TNR: variants seen among roughly 807,000 people sequenced by gnomAD.
TNR encodes tenascin-R.
In TNR, 45 loss-of-function variants were observed where a neutral mutation model predicts 150.4. The observed-to-expected ratio is 0.30, with a 90% confidence interval of 0.24 to 0.38. TNR has a LOEUF of 0.38. Ranked by LOEUF, TNR falls within the 10% of genes least tolerant of loss-of-function variation. The pLI is 1.00. For missense variants in TNR, 1,544 were observed against 1,759.1 expected, an observed-to-expected ratio of 0.88 and a Z score of 2.19; for synonymous variants, 687 against 678.4, an observed-to-expected ratio of 1.01 and a Z score of -0.20.
At position 175,706,542 on chromosome 1, in the gene TNR, C is replaced by T. The variant is rs74129316; in HGVS notation, c.-165+36684G>A. 4.7e-3 allele frequency among the ~76,000 whole-genome samples: 711 copies of T among 152,220 alleles called. 3 individuals are homozygous for T. Among genetic ancestry groups the T allele is most frequent in the African/African-American group, 0.016 (676 of 41,532 alleles). On this transcript the variant is annotated intron_variant, in intron 1 of 22. Coordinates refer to ENST00000367674, the MANE Select transcript of TNR (RefSeq NM_003285.3). ...GTCTCCTTGCTGTCACCCTTTCCAC[C>T]CAGCTGAGCTCTTTCCCAGCATCTG...
chr1:175,410,541 G>A (rs993710663), intron 2 of TNR, among the ~76,000 whole-genome samples: 1 of 152,164 alleles, frequency 6.6e-6, no homozygotes, highest in African/African-American at 2.4e-5. Context: ...AAAGTGGGTG[G>A]GGTGGCCATC....
intron 18 of TNR, among the ~76,000 whole-genome samples, chr1:175,343,457 C>T (rs1338420062): frequency 6.6e-6 from 1 of 152,162 alleles, no homozygotes; most frequent in Non-Finnish European, 1.5e-5. Context: ...GGTCTGGGAT[C>T]GGTGGAGGAA....
intron 1 of TNR, among the ~76,000 whole-genome samples, chr1:175,632,995 T>C (rs1187169431): frequency 6.6e-6 from 1 of 152,152 alleles, no homozygotes; most frequent in Non-Finnish European, 1.5e-5. Context: ...GGAAGAAACT[T>C]CCACCATTCC....
chr1:175,695,268 G>A (rs1044890934), intron 1 of TNR, among the ~76,000 whole-genome samples: 3 of 152,216 alleles, frequency 2.0e-5, no homozygotes, highest in African/African-American at 7.2e-5. Flanking sequence ...ACATGGTGAG[G>A]ACTGAAGCCT....
chr1:175,487,221 C>T (rs1571509204), intron 2 of TNR, among the ~76,000 whole-genome samples: 1 of 152,294 alleles, frequency 6.6e-6, no homozygotes, highest in East Asian at 1.9e-4. Flanking sequence ...CAACCTACAG[C>T]CCTCGAATGT....
intron 1 of TNR, among the ~76,000 whole-genome samples, chr1:175,664,859 C>T (rs997871408): frequency 2.0e-5 from 3 of 152,102 alleles, no homozygotes; most frequent in Non-Finnish European, 4.4e-5. Context: ...TCTAAAATGA[C>T]AAAGACAAGG....
chr1:175,325,667 A>G (rs1649338425), intron 21 of TNR, among the ~76,000 whole-genome samples: 1 of 152,234 alleles, frequency 6.6e-6, no homozygotes, highest in African/African-American at 2.4e-5. Flanking sequence ...GCACATCTAT[A>G]CCATGGAATA....
At chr1:175,679,367 C>T (rs2101908986) in intron 1 of TNR, among the ~76,000 whole-genome samples, 1 of 152,298 alleles carries the variant, frequency 6.6e-6, no homozygotes, top group African/African-American at 2.4e-5. Context: ...GCCCTCTGGG[C>T]CATAGACCAT....
chr1:175,557,960 G>A (rs373525857), intron 1 of TNR, among the ~76,000 whole-genome samples: 3,408 of 99,862 alleles, frequency 0.034, 48 homozygotes, highest in South Asian at 0.051. Flanking sequence ...TGATGAGTTC[G>A]TGTCCTTTGT....
intron 5 of TNR, among the ~76,000 whole-genome samples, chr1:175,395,414 G>C (rs1214336992): frequency 6.6e-6 from 1 of 152,112 alleles, no homozygotes; most frequent in Non-Finnish European, 1.5e-5. Context: ...TGGCCCGGGG[G>C]CTTTCTGAAT....
At chr1:175,616,367 T>C (rs2179158) in intron 1 of TNR, among the ~76,000 whole-genome samples, 43,050 of 152,056 alleles carry the variant, frequency 0.28, 6,401 homozygotes, top group East Asian at 0.47. Context: ...CTTGAGAAAG[T>C]GACACTGATC....
At chr1:175,383,076 G>A (rs546748814) in intron 8 of TNR, among the ~76,000 whole-genome samples, 2 of 152,096 alleles carry the variant, frequency 1.3e-5, no homozygotes, top group South Asian at 2.1e-4. Context: ...GAATCATTCC[G>A]ATCTCGGCCT....
intron 1 of TNR, among the ~76,000 whole-genome samples, chr1:175,586,667 A>G (rs1662587779): frequency 6.6e-6 from 1 of 152,176 alleles, no homozygotes; most frequent in Admixed American, 6.5e-5. Context: ...GGTGGCCCCC[A>G]TAAATAGCCC....
chr1:175,382,096 T>A (rs1652710085), intron 8 of TNR, among the ~76,000 whole-genome samples: 1 of 152,244 alleles, frequency 6.6e-6, no homozygotes, highest in Admixed American at 6.5e-5. Flanking sequence ...TTCTGTACCG[T>A]TTATTTCGCT....
At chr1:175,573,146 C>T (rs1305423612) in intron 1 of TNR, among the ~76,000 whole-genome samples, 1 of 152,232 alleles carries the variant, frequency 6.6e-6, no homozygotes, top group Non-Finnish European at 1.5e-5. Flanking sequence ...GTATTTCATA[C>T]TCCCTGTACT....
At chr1:175,620,601 G>C (rs1455553778) in intron 1 of TNR, among the ~76,000 whole-genome samples, 1 of 152,174 alleles carries the variant, frequency 6.6e-6, no homozygotes, top group Non-Finnish European at 1.5e-5. Context: ...GAAGCAGAGG[G>C]GCTGAGCTAG....
At chr1:175,371,253 T>C (rs994095275) in intron 9 of TNR, among the ~76,000 whole-genome samples, 1 of 152,210 alleles carries the variant, frequency 6.6e-6, no homozygotes, top group Non-Finnish European at 1.5e-5. Flanking sequence ...TTCTTAACAA[T>C]AGCACAGAAA....
chr1:175,522,770 G>C (rs575485159), intron 2 of TNR, among the ~76,000 whole-genome samples: 1 of 152,254 alleles, frequency 6.6e-6, no homozygotes, highest in East Asian at 1.9e-4. Flanking sequence ...CACACATAAA[G>C]AAACTCATTC....
chr1:175,573,860 C>T (rs186644766), intron 1 of TNR, among the ~76,000 whole-genome samples: 41 of 152,324 alleles, frequency 2.7e-4, no homozygotes, highest in African/African-American at 9.1e-4. Flanking sequence ...GCTCTGCCTT[C>T]TCTGAATGGC....
Sources: allele counts gnomAD v4.1 joint callset (sites outside exome capture counted in the v4.1 genomes callset), GRCh38; gene constraint gnomAD v4.1.1; transcripts MANE v1.5; gene names NCBI Gene and HGNC (gene_info 2026-07-23, HGNC 2026-07-21).